The following TAFA1 variants were observed in gnomAD, a reference collection of about 807,000 sequenced individuals.
TAFA1 encodes TAFA chemokine like family member 1.
A neutral mutation model predicts 18.5 loss-of-function variants in TAFA1; 4 were observed. The observed-to-expected ratio is 0.22, with a 90% CI of 0.11 to 0.49. TAFA1 has a LOEUF of 0.49. TAFA1 is among the 20% of genes least tolerant of loss of function. The probability of loss-of-function intolerance (pLI) is 0.98; values close to 1 mark genes in which losing one functional copy is unlikely to be tolerated. For synonymous variants in TAFA1, 56 were observed against 55.2 expected, an observed-to-expected ratio of 1.01 and a Z score of -0.06; for missense variants, 147 against 169.0, an observed-to-expected ratio of 0.87 and a Z score of 0.72.
chr3:68,209,478 T>C (rs2107062907), intron 2 of TAFA1, among the ~76,000 whole-genome samples: 1 of 152,210 alleles, frequency 6.6e-6, no homozygotes, highest in East Asian at 1.9e-4. Context: ...AATGTTGTGA[T>C]TCTTGTAGAC....
At chr3:68,298,939 A>C (rs1443744276) in intron 2 of TAFA1, among the ~76,000 whole-genome samples, 2 of 152,206 alleles carry the variant, frequency 1.3e-5, no homozygotes, top group Non-Finnish European at 2.9e-5. Flanking sequence ...GAAAATGTGG[A>C]TGTGACTTTG....
At chr3:68,153,190 G>C (rs1026654387) in intron 2 of TAFA1, among the ~76,000 whole-genome samples, 6 of 152,176 alleles carry the variant, frequency 3.9e-5, no homozygotes, top group African/African-American at 1.4e-4. Context: ...ATTTTTAAAT[G>C]ATACAAAATC....
chr3:68,026,111 G>A (rs142235648), intron 2 of TAFA1, among the ~76,000 whole-genome samples: 75 of 152,048 alleles, frequency 4.9e-4, no homozygotes, highest in African/African-American at 1.6e-3. Context: ...CAAATCTAAC[G>A]TAAGTATTTA....
In TAFA1 at chr3:68,391,195, G is replaced by A. The variant is rs187229838; in HGVS notation, c.119-26085G>A. Among the ~76,000 whole-genome samples, 157 of 152,170 alleles carry A rather than the reference G, an allele frequency of 1.0e-3. 1 individual carries two copies. The highest frequency in any genetic ancestry group is 6.2e-4 in the South Asian group (3 of 4,822). ...ACCTGATGGAGCTGAAAAACACAGCGTGAGAACTTTGTGAAGCATATACAA... is the reference window on the plus strand; with the variant it reads ...ACCTGATGGAGCTGAAAAACACAGCATGAGAACTTTGTGAAGCATATACAA... On this transcript the variant is annotated intron_variant, in intron 2 of 4. Coordinates refer to ENST00000478136, the MANE Select transcript of TAFA1 (RefSeq NM_213609.4).
intron 2 of TAFA1, among the ~76,000 whole-genome samples, chr3:68,259,332 T>G (rs1180116549): frequency 6.6e-6 from 1 of 152,180 alleles, no homozygotes; most frequent in Non-Finnish European, 1.5e-5. Context: ...AGAAAAGGGA[T>G]TTAGTTTTAA....
At chr3:68,150,715 G>A (rs1326375210) in intron 2 of TAFA1, among the ~76,000 whole-genome samples, 1 of 151,958 alleles carries the variant, frequency 6.6e-6, no homozygotes, top group Non-Finnish European at 1.5e-5. Flanking sequence ...AAATTGATGA[G>A]TTAGGTTATT....
intron 2 of TAFA1, among the ~76,000 whole-genome samples, chr3:68,211,762 G>A (rs541096299): frequency 6.6e-6 from 1 of 152,020 alleles, no homozygotes; most frequent in Non-Finnish European, 1.5e-5. Context: ...CATAAAGAGA[G>A]GTGAGGCAAG....
At chr3:68,001,231 T>C (rs1467884851), upstream of TAFA1, among the ~76,000 whole-genome samples, 1 of 152,140 alleles carries the variant, frequency 6.6e-6, no homozygotes. Context: ...ACAAAAGAAA[T>C]GACCTTATTC....
intron 3 of TAFA1, among the ~76,000 whole-genome samples, chr3:68,502,347 A>G (rs952801055): frequency 2.0e-5 from 3 of 152,102 alleles, no homozygotes; most frequent in Admixed American, 1.3e-4. Flanking sequence ...TTTAGAACAC[A>G]CAGAAAAAAA....
rs528992053 is a variant in TAFA1 at position 68,165,065 on chromosome 3, A to C, written c.118+158321A>C. Among the ~76,000 whole-genome samples, 39 of 152,350 alleles carry C rather than the reference A, an allele frequency of 2.6e-4. 1 individual carries two copies. In the South Asian group the frequency reaches 5.8e-3, roughly 23 times the overall value. On this transcript the variant is annotated intron_variant, in intron 2 of 4. Coordinates refer to ENST00000478136, the MANE Select transcript of TAFA1 (RefSeq NM_213609.4). ...CAGTTGTTTAAGAAGGATAAAGTTC[A>C]GGCCAAGGGACAGCAACCCAAAAGA...
intron 2 of TAFA1, among the ~76,000 whole-genome samples, chr3:68,062,122 T>G (rs2064611540): frequency 1.3e-5 from 2 of 152,212 alleles, no homozygotes; most frequent in South Asian, 4.1e-4. Context: ...ATCACTTATT[T>G]TTTTCTTTAA....
At chr3:68,452,502 G>A (rs926985045) in intron 3 of TAFA1, among the ~76,000 whole-genome samples, 11 of 113,254 alleles carry the variant, frequency 9.7e-5, no homozygotes, top group African/African-American at 1.5e-4. Flanking sequence ...CAGCCTAGGC[G>A]ACAAAGCAAA....
At chr3:68,538,193 A>G (rs938358532) in intron 3 of TAFA1, among the ~76,000 whole-genome samples, 21 of 152,282 alleles carry the variant, frequency 1.4e-4, no homozygotes, top group Admixed American at 1.3e-3. Flanking sequence ...CAGTTCTACA[A>G]TAGTGATATT....
intron 2 of TAFA1, among the ~76,000 whole-genome samples, chr3:68,415,594 A>T (rs2070816748): frequency 6.6e-6 from 1 of 152,140 alleles, no homozygotes; most frequent in Non-Finnish European, 1.5e-5. Context: ...TGTTGGCACC[A>T]AAGATATAAA....
intron 3 of TAFA1, among the ~76,000 whole-genome samples, chr3:68,536,485 C>A (rs886791443): frequency 3.3e-5 from 5 of 152,072 alleles, no homozygotes; most frequent in Non-Finnish European, 7.4e-5. Context: ...GTTCTCGTCC[C>A]GTGTAAAAAC....
rs57372768 is a variant in TAFA1 at position 68,521,856 on chromosome 3, G to GTTT, written c.260-16882_260-16880dup. On this transcript the variant is annotated intron_variant, in intron 3 of 4. Transcript: ENST00000478136. Reference sequence around the variant, plus strand: ...TCTGGGTTTTTCTGTGTTTTTTTCTGTTTTTTTTTTTTTTTTTTTTGGAGA... The same window carrying GTTT: ...TCTGGGTTTTTCTGTGTTTTTTTCTGTTTTTTTTTTTTTTTTTTTTTTTGGAGA... 7.1e-5 allele frequency among the ~76,000 whole-genome samples: 5 copies of GTTT among 70,858 alleles called. 1 individual carries two copies. The highest frequency in any genetic ancestry group is 1.1e-4 in the African/African-American group (2 of 17,586). 46.5% of individuals were successfully genotyped at this position (70,858 alleles called of 152,430 possible).
chr3:68,509,267 G>C (rs1030628015), intron 3 of TAFA1, among the ~76,000 whole-genome samples: 26 of 152,072 alleles, frequency 1.7e-4, no homozygotes, highest in African/African-American at 6.0e-4. Flanking sequence ...TTAATGAAAT[G>C]TCATCAGCAC....
At chr3:68,322,712 G>C (rs1479690256) in intron 2 of TAFA1, among the ~76,000 whole-genome samples, 1 of 152,248 alleles carries the variant, frequency 6.6e-6, no homozygotes, top group African/African-American at 2.4e-5. Context: ...GGAGGCCGAG[G>C]CAGGTGGATT....
intron 2 of TAFA1, among the ~76,000 whole-genome samples, chr3:68,020,954 T>C (rs909260237): frequency 4.0e-5 from 6 of 151,864 alleles, no homozygotes; most frequent in African/African-American, 1.4e-4. Flanking sequence ...GGGAGGCTGA[T>C]GAGGGTGGAT....
Sources: gnomAD v4.1 joint callset for allele counts (sites outside exome capture counted in the v4.1 genomes callset) on GRCh38, gnomAD v4.1.1 for gene constraint, MANE v1.5 for transcripts, NCBI Gene and HGNC (gene_info 2026-07-23, HGNC 2026-07-21) for gene names.